MYH9: variants seen among roughly 807,000 people sequenced by gnomAD.
The protein encoded by MYH9 is myosin-9.
Under a neutral mutation model 241.9 loss-of-function variants are expected in MYH9, and 29 were observed. The observed-to-expected ratio is 0.12, with a 90% CI of 0.09 to 0.16. The LOEUF is 0.16. MYH9 is among the 10% of genes least tolerant of loss of function. The probability of loss-of-function intolerance (pLI) is 1.00; values close to 1 mark genes in which losing one functional copy is unlikely to be tolerated. For synonymous variants in MYH9, 1,047 were observed against 1,062.6 expected (o/e 0.99, Z 0.29); for missense variants, 1,803 against 2,595.5 (o/e 0.69, Z 6.63).
Position 36,305,573 on chromosome 22 carries a change from C to T in MYH9, c.2159+357G>A, listed in dbSNP as rs768141826. Among the ~76,000 whole-genome samples the T allele has an allele frequency of 3.3e-5, 5 of 152,218 alleles. No individual in the cohort carries two copies. Among genetic ancestry groups the T allele is most frequent in the Non-Finnish European group, 4.4e-5 (3 of 68,046 alleles). On this transcript the variant is annotated intron_variant, in intron 17 of 40. Coordinates refer to ENST00000216181, the MANE Select transcript of MYH9 (RefSeq NM_002473.6). This position sits in a 1 kb window ranked among gnomAD's most constrained non-coding sequence, Gnocchi z 4.7. Reference sequence around the variant, plus strand: ...CGTCTTCGCACACAGCAACGCACGGCCGTGTTTCATTTCCACAAAGTTCCT... The same window carrying T: ...CGTCTTCGCACACAGCAACGCACGGTCGTGTTTCATTTCCACAAAGTTCCT...
intron 3 of MYH9, among the ~76,000 whole-genome samples, chr22:36,333,169 A>G (rs918428837): frequency 2.6e-5 from 4 of 152,244 alleles, no homozygotes; most frequent in African/African-American, 7.2e-5. Context: ...TTGGAGCACA[A>G]ACAGGCCTGC....
rs550522807 is a variant in MYH9 at position 36,282,559 on chromosome 22, C to T, written c.*109G>A. On this transcript the variant is annotated 3_prime_UTR_variant, in exon 41 of 41. Transcript: ENST00000216181. ...GGACGGGGCGGAGGGCAGGAGGAGGCATGTTCACAGCAGTCCCAAGAAGGT... is the reference window on the plus strand; with the variant it reads ...GGACGGGGCGGAGGGCAGGAGGAGGTATGTTCACAGCAGTCCCAAGAAGGT... 2 of 1,019,060 alleles carry T rather than the reference C, an allele frequency of 2.0e-6. No individual in the cohort carries two copies. The highest frequency in any genetic ancestry group is 3.1e-6 in the Non-Finnish European group (2 of 647,652). The allele number at this position is 1,019,060 out of a possible 1,614,324, so 63.1% of individuals were successfully genotyped here.
At chr22:36,373,531 T>C (rs145399850) in intron 1 of MYH9, among the ~76,000 whole-genome samples, 1 of 152,190 alleles carries the variant, frequency 6.6e-6, no homozygotes, top group Non-Finnish European at 1.5e-5. Context: ...GTTTTACCTG[T>C]TTTCCATCGG....
chr22:36,355,913 G>A (rs554044690), intron 1 of MYH9, among the ~76,000 whole-genome samples: 1 of 152,302 alleles, frequency 6.6e-6, no homozygotes, highest in South Asian at 2.1e-4. Context: ...TCCCCATGCT[G>A]GCTTGCACAA....
In MYH9 at chr22:36,293,981, G is replaced by T. The variant is rs959261693; in HGVS notation, c.3837+111C>A. 2 of 1,462,556 alleles carry T rather than the reference G, an allele frequency of 1.4e-6. No homozygotes were observed. The highest frequency in any genetic ancestry group is 1.9e-6 in the Non-Finnish European group (2 of 1,061,824). 90.6% of individuals were successfully genotyped at this position (1,462,556 alleles called of 1,614,324 possible). On this transcript the variant is annotated intron_variant, in intron 28 of 40. Coordinates refer to ENST00000216181, the MANE Select transcript of MYH9 (RefSeq NM_002473.6). The surrounding 1 kb of genome is among the most constrained non-coding windows in gnomAD (Gnocchi z 5.1). ...ACAAGCTGAACCATGAGGGTCTGAG[G>T]AGCCAGTTTGAGAAGAGAGAGAGAC...
chr22:36,358,308 G>A (rs1242970821), intron 1 of MYH9, among the ~76,000 whole-genome samples: 3 of 152,068 alleles, frequency 2.0e-5, no homozygotes, highest in Admixed American at 6.5e-5. Context: ...CAGGCAATCC[G>A]CCCGCCTTGG....
intron 2 of MYH9, among the ~76,000 whole-genome samples, chr22:36,346,414 C>T (rs1244384661): frequency 1.3e-5 from 2 of 152,170 alleles, no homozygotes; most frequent in East Asian, 1.9e-4. Flanking sequence ...GAGTCTACCT[C>T]GTAGAAATGT....
rs755855691 is a variant in MYH9, at chr22:36,314,335, C to T, written c.1381-17G>A. The T allele has an allele frequency of 6.8e-6, 11 of 1,613,822 alleles. No individual in the cohort carries two copies. In the South Asian group the frequency reaches 1.1e-4, roughly 16 times the overall value. On this transcript the variant is annotated splice_polypyrimidine_tract_variant and intron_variant, in intron 12 of 40. Coordinates refer to ENST00000216181, the MANE Select transcript of MYH9 (RefSeq NM_002473.6). Reference sequence around the variant, plus strand: ...CGAGTTCAGCTGCAAGGAGAGAAAACAATGTCAGAGAGACGCCAACCCTGC... The same window carrying T: ...CGAGTTCAGCTGCAAGGAGAGAAAATAATGTCAGAGAGACGCCAACCCTGC...
At chr22:36,369,135 C>G (rs1474408084) in intron 1 of MYH9, among the ~76,000 whole-genome samples, 4 of 152,216 alleles carry the variant, frequency 2.6e-5, no homozygotes, top group Non-Finnish European at 5.9e-5. Flanking sequence ...GGACACACAG[C>G]TAGTCAATGG....
In MYH9 at chr22:36,298,910, C is replaced by A. The variant is rs777569123; in HGVS notation, c.3100+9G>T. ...CCTGCCCATCACCTCCTGCTCGTCA[C>A]CCCCTCACCTTCCAAGTCAGTGATC... On this transcript the variant is annotated intron_variant, in intron 24 of 40. Coordinates refer to ENST00000216181, the MANE Select transcript of MYH9 (RefSeq NM_002473.6). 5 of 1,613,340 alleles carry A rather than the reference C, an allele frequency of 3.1e-6. No homozygotes were observed. The highest frequency in any genetic ancestry group is 4.2e-6 in the Non-Finnish European group (5 of 1,179,778).
chr22:36,357,305 T>C (rs1229040041), intron 1 of MYH9, among the ~76,000 whole-genome samples: 2 of 152,036 alleles, frequency 1.3e-5, no homozygotes, highest in Non-Finnish European at 2.9e-5. Context: ...GGTGGAAAGG[T>C]ATCCCGGGCC....
At chr22:36,341,622 CCT>C (rs1001539636) in intron 2 of MYH9, 96 bp from the exon 3 acceptor site, 65 of 1,381,978 alleles carry the variant, frequency 4.7e-5, no homozygotes, top group South Asian at 2.5e-4. Flanking sequence ...TCAAAGGACC[CCT>C]GAGTCAGCCT....
At chr22:36,384,675 G>A (rs1186879831) in intron 1 of MYH9, among the ~76,000 whole-genome samples, 1 of 115,210 alleles carries the variant, frequency 8.7e-6, no homozygotes, top group Non-Finnish European at 1.6e-5. Context: ...ATTAGGCCAT[G>A]TACATACCTT....
At chr22:36,343,841 C>T (rs1005916662) in intron 2 of MYH9, among the ~76,000 whole-genome samples, 1 of 152,190 alleles carries the variant, frequency 6.6e-6, no homozygotes, top group Non-Finnish European at 1.5e-5. Flanking sequence ...CAGGGAGCAG[C>T]AAGGTCACCC....
rs1353899064 is a variant in MYH9, at chr22:36,285,667, G to A, written c.5265C>T (p.Ala1755=). ...TELINDRLKK[A]NLQIDQINTD... ...AAGTCCTGGCACCCACCTGCAGGTT[G>A]GCCTTCTTCAGCCGGTCGTTGATCA... Residue 1755 remains alanine, a synonymous_variant, in exon 37 of 41, where the codon GCC becomes GCT. Coordinates refer to ENST00000216181, the MANE Select transcript of MYH9 (RefSeq NM_002473.6). This position sits in a 1 kb window ranked among gnomAD's most constrained non-coding sequence, Gnocchi z 7.0. 6.2e-7 allele frequency: 1 copy of A among 1,612,298 alleles called. No individual in the cohort carries two copies. The highest frequency in any genetic ancestry group is 8.5e-7 in the Non-Finnish European group (1 of 1,180,020).
rs2017522818 is a variant in MYH9 at position 36,337,830 on chromosome 22, A to C, written c.490+3540T>G. Among the ~76,000 whole-genome samples, 3 of 152,190 alleles carry C rather than the reference A, an allele frequency of 2.0e-5. No homozygotes were observed. The South Asian group carries it at 6.2e-4, about 31-fold the overall frequency. ...AGGCTCCACGGGTGACACATGACCCAGGGCAAGAACCAAAGGTTCCTCTGG... is the reference window on the plus strand; with the variant it reads ...AGGCTCCACGGGTGACACATGACCCCGGGCAAGAACCAAAGGTTCCTCTGG... On this transcript the variant is annotated intron_variant, in intron 3 of 40. Transcript: ENST00000216181.
intron 1 of MYH9, among the ~76,000 whole-genome samples, chr22:36,364,151 G>T (rs911127130): frequency 1.3e-5 from 2 of 152,190 alleles, no homozygotes; most frequent in African/African-American, 4.8e-5. Context: ...TTTGAAGGTT[G>T]CTCAGCCTAG....
chr22:36,318,292 T>C lies in MYH9; in HGVS notation c.1142A>G (p.Asn381Ser). Reference protein sequence around the residue: ...AQKVSHLLGINVTDFTRGILT... With the variant: ...AQKVSHLLGISVTDFTRGILT... ...GATTCCTCTGGTGAAATCGGTCACA[T>C]TGATACCCAAGAGATGGGACACCTT... Residue 381 changes from asparagine to serine, a missense_variant, in exon 11 of 41, where the codon AAT becomes AGT. Physicochemically the swap from Asn to Ser is conservative, Grantham distance 46. Around this residue, in one of 11 missense-constraint regions of MYH9, gnomAD observed 222 missense variants for 359.9 expected, o/e 0.62. Transcript: ENST00000216181. 6.2e-7 allele frequency: 1 copy of C among 1,613,966 alleles called. No homozygotes were observed. Among genetic ancestry groups the C allele is most frequent in the Non-Finnish European group, 8.5e-7 (1 of 1,180,030 alleles).
intron 1 of MYH9, among the ~76,000 whole-genome samples, chr22:36,370,858 G>A (rs1020530705): frequency 9.9e-5 from 15 of 152,204 alleles, no homozygotes; most frequent in Admixed American, 5.2e-4. Context: ...GGTGGGCAGT[G>A]GGGGGTGGGA....
Sources: gnomAD v4.1 joint callset for allele counts (sites outside exome capture counted in the v4.1 genomes callset) on GRCh38, gnomAD v4.1.1 for gene constraint, gnomAD v4.1.1 regional missense constraint, Gnocchi (gnomAD v3.1) non-coding constraint, MANE v1.5 for transcripts, NCBI Gene and HGNC (gene_info 2026-07-23, HGNC 2026-07-21) for gene names.